SMG6: variants seen among roughly 807,000 people sequenced by gnomAD.
SMG6 encodes the protein telomerase-binding protein EST1A.
A neutral mutation model predicts 142.2 loss-of-function variants in SMG6; 66 were observed. That is an observed-to-expected ratio of 0.46 (90% CI 0.38 to 0.57). The LOEUF (loss-of-function observed/expected upper bound fraction) is 0.57, where lower values mean the gene tolerates loss of function less well. Among genes scored for constraint, SMG6 ranks in the 20% least tolerant of loss-of-function variants. The pLI is 0.00. For missense variants in SMG6, 1,793 were observed against 1,832.0 expected, an observed-to-expected ratio of 0.98 and a Z score of 0.39; for synonymous variants, 779 against 702.4, an observed-to-expected ratio of 1.11 and a Z score of -1.72.
chr17:2,207,329 A>AATTG (rs1567683128), intron 10 of SMG6, among the ~76,000 whole-genome samples: 1 of 152,022 alleles, frequency 6.6e-6, no homozygotes, highest in Non-Finnish European at 1.5e-5. Flanking sequence ...TAAATTAGAA[A>AATTG]ATGATCAGTT....
chr17:2,283,833 G>C (rs1281830297), intron 6 of SMG6, 98 bp from the exon 7 acceptor site: 1 of 864,996 alleles, frequency 1.2e-6, no homozygotes, highest in African/African-American at 1.7e-5. Context: ...CTCCCAGCCT[G>C]TCTCCCAAAC....
chr17:2,124,226 T>C (rs924608301), intron 13 of SMG6, among the ~76,000 whole-genome samples: 3 of 152,208 alleles, frequency 2.0e-5, no homozygotes, highest in African/African-American at 7.2e-5. Flanking sequence ...TCAACTGTAG[T>C]GTGGGAAATC....
intron 13 of SMG6, among the ~76,000 whole-genome samples, chr17:2,149,349 CAAAAAAAAAA>C (rs1178295829): frequency 0.017 from 1,224 of 71,140 alleles, 21 homozygotes; most frequent in Non-Finnish European, 0.025. Context: ...GATTCCCCCT[CAAAAAAAAAA>C]AAAAAAAAAA....
chr17:2,159,010 T>A (rs2071093475), intron 13 of SMG6, among the ~76,000 whole-genome samples: 1 of 150,490 alleles, frequency 6.6e-6, no homozygotes, highest in Admixed American at 6.6e-5. Flanking sequence ...TATAACTCAA[T>A]AAGAAAACAC....
chr17:2,136,010 GTGTGTGTGTGTGTGTGTGTGTGTGTGTC>G (rs2070286979), intron 13 of SMG6, among the ~76,000 whole-genome samples: 1 of 146,222 alleles, frequency 6.8e-6, no homozygotes, highest in African/African-American at 2.7e-5. Context: ...GTGTGTGTGT[GTGTGTGTGTGTGTGTGTGTGTGTGTGTC>G]TGTGTGTGTA....
At position 2,205,387 on chromosome 17, in the gene SMG6, T is replaced by C. The variant is rs555878643; in HGVS notation, c.2870-16872A>G. On this transcript the variant is annotated intron_variant, in intron 10 of 18. Transcript: ENST00000263073. ...GGCGTGAGCCACCACGCCTGGCCTG[T>C]ATCTAATTTTAAACTAGATTAAAAT... Among the ~76,000 whole-genome samples the C allele has an allele frequency of 4.6e-3, 706 of 152,300 alleles. 4 individuals carry two copies. The highest frequency in any genetic ancestry group is 8.6e-3 in the Non-Finnish European group (583 of 68,024).
intron 15 of SMG6, among the ~76,000 whole-genome samples, chr17:2,075,423 AG>A (rs2068230220): frequency 6.6e-6 from 1 of 152,218 alleles, no homozygotes; most frequent in African/African-American, 2.4e-5. Context: ...ATGTGGCCAG[AG>A]GAAGAGCCTG....
intron 10 of SMG6, among the ~76,000 whole-genome samples, chr17:2,204,637 C>A (rs895413028): frequency 6.6e-6 from 1 of 152,144 alleles, no homozygotes; most frequent in African/African-American, 2.4e-5. Context: ...AGTCTCCTGA[C>A]CTAGAAGCTG....
intron 13 of SMG6, chr17:2,117,889 A>G (rs1366675781): frequency 6.6e-6 from 1 of 152,260 alleles, no homozygotes; most frequent in Non-Finnish European, 1.5e-5. Flanking sequence ...TAGTGCTGAT[A>G]TAACTTGATA....
At chr17:2,113,828 C>T (rs931585635) in intron 13 of SMG6, among the ~76,000 whole-genome samples, 2 of 152,104 alleles carry the variant, frequency 1.3e-5, no homozygotes, top group Non-Finnish European at 2.9e-5. Flanking sequence ...GAGTGTCACA[C>T]GAGAGTGGTG....
Position 2,065,554 on chromosome 17 carries a change from G to A in SMG6, c.3961C>T (p.Arg1321Trp). The A allele has an allele frequency of 3.7e-6, 6 of 1,614,038 alleles. No individual in the cohort carries two copies. Among genetic ancestry groups the A allele is most frequent in the Non-Finnish European group, 5.1e-6 (6 of 1,180,010 alleles). Reference sequence around the variant, plus strand: ...GTCAGGGCTCGCAGGCAAGAGTCCCGACTCTCGAATCGCTGCTCGAGGAAC... The same window carrying A: ...GTCAGGGCTCGCAGGCAAGAGTCCCAACTCTCGAATCGCTGCTCGAGGAAC... The part of the protein sequence containing the change: ...IEFLEQRFES[R>W]DSCLRALTSR... Residue 1321 changes from arginine to tryptophan, a missense_variant, in exon 17 of 19, where the codon CGG (arginine) becomes TGG (tryptophan). This residue lies in a region of SMG6 where 179 missense variants were observed against 212.6 expected (regional missense o/e 0.84). Transcript: ENST00000263073.
intron 8 of SMG6, among the ~76,000 whole-genome samples, chr17:2,275,059 T>C (rs149335500): frequency 1.3e-5 from 2 of 151,148 alleles, no homozygotes; most frequent in East Asian, 3.9e-4. Flanking sequence ...AACCTAATTA[T>C]GTAGGTTCCT....
At chr17:2,298,256 T>C (rs751368311) in intron 2 of SMG6, among the ~76,000 whole-genome samples, 13 of 152,208 alleles carry the variant, frequency 8.5e-5, no homozygotes, top group Non-Finnish European at 1.8e-4. Flanking sequence ...AAAATAGTTT[T>C]TCCCCATATG....
chr17:2,172,995 A>G (rs932830978), intron 12 of SMG6, 136 bp from the exon 13 acceptor site: 1 of 804,670 alleles, frequency 1.2e-6, no homozygotes, highest in Non-Finnish European at 2.0e-6. Context: ...TCATACCCCA[A>G]AAATGCTAGG....
At chr17:2,271,117 T>G (rs1249822252) in intron 8 of SMG6, among the ~76,000 whole-genome samples, 27 of 85,244 alleles carry the variant, frequency 3.2e-4, no homozygotes, top group African/African-American at 1.4e-3. Context: ...TTTTTTCTGG[T>G]TTTTTTTTTT....
At chr17:2,091,710 G>A (rs1286927262) in intron 13 of SMG6, among the ~76,000 whole-genome samples, 5 of 142,884 alleles carry the variant, frequency 3.5e-5, no homozygotes, top group East Asian at 2.0e-4. Context: ...TCGCTCTGTT[G>A]CCCAGGCTGG....
chr17:2,097,996 T>C (rs117424951), intron 13 of SMG6, among the ~76,000 whole-genome samples: 2,402 of 152,246 alleles, frequency 0.016, 36 homozygotes, highest in Non-Finnish European at 0.018. Context: ...TTTCCTTTTC[T>C]TGGGGGGCGG....
intron 10 of SMG6, among the ~76,000 whole-genome samples, chr17:2,213,434 C>T (rs2072921926): frequency 6.6e-6 from 1 of 152,186 alleles, no homozygotes; most frequent in Admixed American, 6.5e-5. Flanking sequence ...CCTGATGCCG[C>T]AGCCAGCTTC....
chr17:2,161,249 C>T (rs1187436606), intron 13 of SMG6, among the ~76,000 whole-genome samples: 4 of 151,578 alleles, frequency 2.6e-5, no homozygotes, highest in Non-Finnish European at 5.9e-5. Context: ...GGATTACAGG[C>T]GTGCATCACC....
Sources: gnomAD v4.1 joint callset for allele counts (sites outside exome capture counted in the v4.1 genomes callset) on GRCh38, gnomAD v4.1.1 for gene constraint, gnomAD v4.1.1 regional missense constraint, MANE v1.5 for transcripts, NCBI Gene and HGNC (gene_info 2026-07-23, HGNC 2026-07-21) for gene names.